GRM1: variants seen among roughly 807,000 people sequenced by gnomAD.
The protein encoded by GRM1 is glutamate metabotropic receptor 1.
A neutral mutation model predicts 90.9 loss-of-function variants in GRM1; 33 were observed. The observed-to-expected ratio is 0.36, with a 90% CI of 0.28 to 0.49. The LOEUF is 0.49. GRM1 is among the 20% of genes least tolerant of loss of function. GRM1 has a pLI of 0.99. For synonymous variants in GRM1, 700 were observed against 613.2 expected, an observed-to-expected ratio of 1.14 and a Z score of -2.09; for missense variants, 1,190 against 1,534.3, an observed-to-expected ratio of 0.78 and a Z score of 3.75.
chr6:146,402,393 G>T (rs1194664007), intron 7 of GRM1, among the ~76,000 whole-genome samples: 1 of 152,058 alleles, frequency 6.6e-6, no homozygotes, highest in East Asian at 1.9e-4. Flanking sequence ...ATATAAAAAA[G>T]AATCTCAATG....
intron 2 of GRM1, among the ~76,000 whole-genome samples, chr6:146,299,741 C>T (rs977160144): frequency 2.6e-5 from 4 of 152,072 alleles, no homozygotes; most frequent in East Asian, 1.9e-4. Context: ...TCTCTTTTGC[C>T]GTAGCATCTC....
chr6:146,222,132 A>T (rs1393894512), intron 2 of GRM1, among the ~76,000 whole-genome samples: 1 of 152,146 alleles, frequency 6.6e-6, no homozygotes, highest in Non-Finnish European at 1.5e-5. Context: ...TTCTAACTCT[A>T]ATTCTAATGG....
chr6:146,299,248 G>A (rs542391323), intron 2 of GRM1, among the ~76,000 whole-genome samples: 4 of 151,984 alleles, frequency 2.6e-5, no homozygotes, highest in African/African-American at 9.7e-5. Flanking sequence ...CTACATCACC[G>A]TGTGATAATT....
At chr6:146,398,004 C>G (rs142528617) in intron 6 of GRM1, among the ~76,000 whole-genome samples, 17 of 152,302 alleles carry the variant, frequency 1.1e-4, no homozygotes, top group African/African-American at 3.6e-4. Flanking sequence ...AAATTTTTCT[C>G]TCACTCTGAA....
intron 1 of GRM1, among the ~76,000 whole-genome samples, chr6:146,070,368 C>G (rs79310540): frequency 0.021 from 3,180 of 152,146 alleles, 49 homozygotes; most frequent in Admixed American, 0.031. Flanking sequence ...TTAGGACAGT[C>G]TTATGGTATG....
chr6:146,304,765 C>T lies in GRM1; in HGVS notation c.1105C>T (p.Pro369Ser). 6.2e-7 allele frequency: 1 copy of T among 1,613,996 alleles called. No individual in the cohort carries two copies. The highest frequency in any genetic ancestry group is 8.5e-7 in the Non-Finnish European group (1 of 1,179,982). The change falls in exon 3 of 8, where the codon CCT becomes TCT. Residue 369 changes from proline to serine, a missense_variant. This residue lies in a region of GRM1 where 414 missense variants were observed against 598.4 expected (regional missense o/e 0.69). Coordinates refer to ENST00000282753, the MANE Select transcript of GRM1 (RefSeq NM_001278064.2). ...CACTAACACGAGGAATCCCTGGTTC[C>T]CTGAGTTCTGGCAACATCGGTTCCA... The part of the protein sequence containing the change: ...LDTNTRNPWF[P>S]EFWQHRFQCR...
At chr6:146,373,906 A>G (rs1775996597) in intron 5 of GRM1, among the ~76,000 whole-genome samples, 1 of 152,264 alleles carries the variant, frequency 6.6e-6, no homozygotes, top group Non-Finnish European at 1.5e-5. Context: ...TATGTTGAAA[A>G]GCAGTGCTGA....
At chr6:146,152,429 G>A (rs1562495408) in intron 1 of GRM1, among the ~76,000 whole-genome samples, 1 of 151,626 alleles carries the variant, frequency 6.6e-6, no homozygotes, top group Admixed American at 6.6e-5. Flanking sequence ...ATATGGCTCA[G>A]TACTGCTGCT....
chr6:146,351,899 G>T (rs1027433015), intron 3 of GRM1, among the ~76,000 whole-genome samples: 1 of 152,178 alleles, frequency 6.6e-6, no homozygotes, highest in Non-Finnish European at 1.5e-5. Context: ...GATATAGGAA[G>T]ATATTTAATA....
rs1491160990 is a variant in GRM1, at chr6:146,368,260, T to TTTG, written c.1602+10566_1602+10567insTTG. On this transcript the variant is annotated intron_variant, in intron 5 of 7. Coordinates refer to ENST00000282753, the MANE Select transcript of GRM1 (RefSeq NM_001278064.2). The stretch of plus-strand genomic sequence containing the variant: ...TTTATCATTTTCTACAGTTTTTTTT[T>TTTG]GGGGGGGGGGGTAGAATCTTTAGAT... Among the ~76,000 whole-genome samples, 991 of 115,890 alleles carry TTTG rather than the reference T, an allele frequency of 8.6e-3. 16 individuals are homozygous for TTTG. Among genetic ancestry groups the TTTG allele is most frequent in the African/African-American group, 0.025 (779 of 30,944 alleles). 76.0% of individuals were successfully genotyped at this position (115,890 alleles called of 152,430 possible). A position where few individuals can be genotyped will look rare whatever the true frequency, so the allele number is the denominator to read the frequency against.
In GRM1 at chr6:146,352,486, G is replaced by T; in HGVS notation, c.1423G>T (p.Ala475Ser). The T allele has an allele frequency of 1.9e-6, 3 of 1,613,676 alleles. No homozygotes were observed. The highest frequency in any genetic ancestry group is 1.7e-6 in the Non-Finnish European group (2 of 1,179,712). Residue 475 changes from alanine (A) to serine (S), a missense_variant, in exon 4 of 8, where the codon GCT (alanine) becomes TCT (serine). Ala to Ser is a moderately conservative substitution (Grantham distance 99, BLOSUM62 1). This residue lies in a region of GRM1 where 414 missense variants were observed against 598.4 expected (regional missense o/e 0.69). Coordinates refer to ENST00000282753, the MANE Select transcript of GRM1 (RefSeq NM_001278064.2). ...EEVWFDEKGDAPGRYDIMNLQ... is the reference protein window; with the variant it reads ...EEVWFDEKGDSPGRYDIMNLQ... ...GGTGTGGTTTGATGAGAAAGGAGAC[G>T]CTCCTGGAAGGTAATCTTTTCAGTA... is the stretch of plus-strand genomic sequence containing the variant.
intron 5 of GRM1, among the ~76,000 whole-genome samples, chr6:146,362,601 C>T (rs1233222943): frequency 1.4e-5 from 2 of 146,178 alleles, no homozygotes; most frequent in East Asian, 4.2e-4. Flanking sequence ...ATGGCATGAA[C>T]CTGGGAGGCA....
At chr6:146,367,548 C>T (rs1775738942) in intron 5 of GRM1, among the ~76,000 whole-genome samples, 2 of 152,014 alleles carry the variant, frequency 1.3e-5, no homozygotes, top group South Asian at 2.1e-4. Context: ...TAGTACCAGA[C>T]AGGAAGTTTT....
intron 7 of GRM1, among the ~76,000 whole-genome samples, chr6:146,430,920 T>C (rs1420944014): frequency 6.6e-6 from 1 of 152,224 alleles, no homozygotes; most frequent in Non-Finnish European, 1.5e-5. Flanking sequence ...AAAACAGCAG[T>C]GCATTGTCTA....
At chr6:146,177,438 AT>A (rs985538659) in intron 2 of GRM1, among the ~76,000 whole-genome samples, 2 of 152,036 alleles carry the variant, frequency 1.3e-5, no homozygotes, top group African/African-American at 4.8e-5. Context: ...CTTTCTTTTA[AT>A]TTGGCTCTCT....
chr6:146,347,703 A>G (rs1335048868), intron 3 of GRM1, among the ~76,000 whole-genome samples: 1 of 152,334 alleles, frequency 6.6e-6, no homozygotes, highest in African/African-American at 2.4e-5. Context: ...GCTCCATACC[A>G]TGACCTGGGC....
At chr6:146,263,542 T>C (rs1366071293) in intron 2 of GRM1, among the ~76,000 whole-genome samples, 1 of 151,990 alleles carries the variant, frequency 6.6e-6, no homozygotes, top group African/African-American at 2.4e-5. Flanking sequence ...CAGTAAACAA[T>C]GCGCTGATAA....
At chr6:146,241,289 G>A (rs1039256527) in intron 2 of GRM1, among the ~76,000 whole-genome samples, 4 of 152,042 alleles carry the variant, frequency 2.6e-5, no homozygotes, top group African/African-American at 4.8e-5. Flanking sequence ...ATAAGATACC[G>A]GATGCTTTGT....
chr6:146,401,959 G>T (rs923022699), intron 7 of GRM1, among the ~76,000 whole-genome samples: 2 of 152,146 alleles, frequency 1.3e-5, no homozygotes, highest in Non-Finnish European at 2.9e-5. Flanking sequence ...TGCTGCAAGA[G>T]ATTACCTTCC....
Sources: allele counts gnomAD v4.1 joint callset (sites outside exome capture counted in the v4.1 genomes callset), GRCh38; gene constraint gnomAD v4.1.1; regional missense constraint gnomAD v4.1.1; transcripts MANE v1.5; gene names NCBI Gene and HGNC (gene_info 2026-07-23, HGNC 2026-07-21).